WAC: variants seen among roughly 807,000 people sequenced by gnomAD.
The protein encoded by WAC is WW domain-containing adapter protein with coiled-coil.
WAC carries 11 observed loss-of-function variants against 79.6 expected under a neutral mutation model. The observed-to-expected ratio is 0.14, with a 90% CI of 0.09 to 0.23. The LOEUF (loss-of-function observed/expected upper bound fraction) is 0.23, where lower values mean the gene tolerates loss of function less well. Ranked by LOEUF, WAC falls within the 10% of genes least tolerant of loss-of-function variation. WAC has a pLI of 1.00. For missense variants in WAC, 728 were observed against 773.5 expected, an observed-to-expected ratio of 0.94 and a Z score of 0.70; for synonymous variants, 304 against 276.9, an observed-to-expected ratio of 1.10 and a Z score of -0.97.
intron 3 of WAC, among the ~76,000 whole-genome samples, chr10:28,548,394 A>G (rs938320825): frequency 6.6e-6 from 1 of 151,804 alleles, no homozygotes; most frequent in South Asian, 2.1e-4. Flanking sequence ...GTTCTATTCT[A>G]CTTCTCTTTT....
At chr10:28,564,928 G>A (rs1354493902) in intron 3 of WAC, among the ~76,000 whole-genome samples, 1 of 152,060 alleles carries the variant, frequency 6.6e-6, no homozygotes, top group Non-Finnish European at 1.5e-5. Context: ...GGTGACTACC[G>A]CCACGGTCAA....
At chr10:28,556,352 T>C (rs1444972410) in intron 3 of WAC, among the ~76,000 whole-genome samples, 3 of 149,132 alleles carry the variant, frequency 2.0e-5, no homozygotes, top group Non-Finnish European at 3.0e-5. Flanking sequence ...ATTTGTATGT[T>C]TTAAAAATGG....
chr10:28,549,488 G>A (rs1055729233), intron 3 of WAC, among the ~76,000 whole-genome samples: 1 of 152,138 alleles, frequency 6.6e-6, no homozygotes, highest in Non-Finnish European at 1.5e-5. Context: ...ATTAATGCCT[G>A]GGAAGTTGTC....
Position 28,535,548 on chromosome 10 carries a change from G to GTTTTT in WAC, c.79-13_79-12insTTTTT. ...ATTCTTTCTCTCTTTTTTTGGGGGG[G>GTTTTT]TGATGTTTTACAGGCACTTAAGTAT... On this transcript the variant is annotated splice_polypyrimidine_tract_variant and intron_variant, in intron 2 of 13. Transcript: ENST00000354911. 6.5e-7 allele frequency: 1 copy of GTTTTT among 1,533,690 alleles called. No homozygotes were observed. The highest frequency in any genetic ancestry group is 8.8e-7 in the Non-Finnish European group (1 of 1,135,742).
At chr10:28,580,414 A>G (rs1214729817) in intron 3 of WAC, among the ~76,000 whole-genome samples, 1 of 152,220 alleles carries the variant, frequency 6.6e-6, no homozygotes, top group African/African-American at 2.4e-5. Flanking sequence ...CATTTGTAAT[A>G]TACCTTATGT....
At chr10:28,616,391 T>G in intron 12 of WAC, 29 bp downstream of exon 12, 1 of 1,468,552 alleles carries the variant, frequency 6.8e-7, no homozygotes. Context: ...AGATTTTACC[T>G]TTGGATGATT....
Position 28,541,093 on chromosome 10 carries a change from C to T in WAC, c.274+5336C>T, listed in dbSNP as rs567085104. ...TATTTTGGAATGAGTTCACTTAGAT[C>T]CTTAGATCCTTAAGACAGTCTTAAT... On this transcript the variant is annotated intron_variant, in intron 3 of 13. Transcript: ENST00000354911. Among the ~76,000 whole-genome samples the T allele has an allele frequency of 3.3e-5, 5 of 152,030 alleles. No homozygotes were observed. In the South Asian group the frequency reaches 1.0e-3, roughly 32 times the overall value.
intron 2 of WAC, 44 bp downstream of exon 2, chr10:28,534,078 G>A (rs1836470333): frequency 6.5e-7 from 1 of 1,538,598 alleles, no homozygotes; most frequent in Non-Finnish European, 8.7e-7. Context: ...GGGGCCGGAG[G>A]GGGAAGGGAG....
intron 6 of WAC, 61 bp downstream of exon 6, chr10:28,590,893 A>G (rs1840048394): frequency 1.6e-6 from 2 of 1,231,516 alleles, no homozygotes; most frequent in East Asian, 5.0e-5. Context: ...TATTTTTCAA[A>G]TCTGTATCCA....
At chr10:28,539,510 A>G (rs753417007) in intron 3 of WAC, among the ~76,000 whole-genome samples, 10 of 152,044 alleles carry the variant, frequency 6.6e-5, no homozygotes, top group East Asian at 3.9e-4. Context: ...AAAACATACA[A>G]TCTTGTTTAA....
intron 3 of WAC, among the ~76,000 whole-genome samples, chr10:28,555,741 TAGATA>T (rs1837944840): frequency 6.6e-6 from 1 of 152,192 alleles, no homozygotes; most frequent in South Asian, 2.1e-4. Context: ...TAATTAAGAT[TAGATA>T]AGTCACCAGT....
At chr10:28,618,070 A>G (rs1448173840) in intron 13 of WAC, 1 of 210,090 alleles carries the variant, frequency 4.8e-6, no homozygotes, top group East Asian at 1.5e-4. Flanking sequence ...CTAATTATAA[A>G]TGTCCTCTCT....
Position 28,619,679 on chromosome 10 carries a change from C to T in WAC, c.*73C>T, listed in dbSNP as rs1337655706. 16 of 1,338,070 alleles carry T rather than the reference C, an allele frequency of 1.2e-5. No homozygotes were observed. The highest frequency in any genetic ancestry group is 1.5e-5 in the Non-Finnish European group (15 of 987,546). The allele number at this position is 1,338,070 out of a possible 1,614,324, so 82.9% of individuals were successfully genotyped here. A position where few individuals can be genotyped will look rare whatever the true frequency, so the allele number is the denominator to read the frequency against. On this transcript the variant is annotated 3_prime_UTR_variant, in exon 14 of 14. Coordinates refer to ENST00000354911, the MANE Select transcript of WAC (RefSeq NM_016628.5). ...GTTGCCCAATCTTAACATTTTTGAGCTGCATTTAAGTAGACTTTGGACCGT... is the reference window on the plus strand; with the variant it reads ...GTTGCCCAATCTTAACATTTTTGAGTTGCATTTAAGTAGACTTTGGACCGT...
chr10:28,617,350 T>C (rs1841517018), intron 12 of WAC, among the ~76,000 whole-genome samples: 2 of 152,242 alleles, frequency 1.3e-5, no homozygotes, highest in Admixed American at 1.3e-4. Context: ...ACAATCTCTT[T>C]GGCTGACCCA....
intron 6 of WAC, among the ~76,000 whole-genome samples, chr10:28,593,909 A>G (rs572171079): frequency 8.5e-5 from 13 of 152,244 alleles, no homozygotes; most frequent in Admixed American, 2.0e-4. Context: ...GGGTTTCTCA[A>G]CAGAAGCACT....
At chr10:28,535,956 C>G (rs1836642324) in intron 3 of WAC, 199 bp downstream of exon 3, 1 of 490,714 alleles carries the variant, frequency 2.0e-6, no homozygotes, top group Non-Finnish European at 3.4e-6. Flanking sequence ...AAAGTGGACT[C>G]TTAAGGCCAG....
At chr10:28,570,946 C>CTTTTTTTTTTT (rs139500035) in intron 3 of WAC, among the ~76,000 whole-genome samples, 1 of 64,506 alleles carries the variant, frequency 1.6e-5, no homozygotes, top group Non-Finnish European at 2.7e-5. Context: ...TAAAGATATA[C>CTTTTTTTTTTT]TTTTTTTTTT....
At chr10:28,548,067 C>T (rs912715665) in intron 3 of WAC, among the ~76,000 whole-genome samples, 3 of 151,656 alleles carry the variant, frequency 2.0e-5, no homozygotes, top group Non-Finnish European at 4.4e-5. Context: ...ATTACAGGTG[C>T]GTGCCACCAT....
chr10:28,550,100 T>C (rs910742003), intron 3 of WAC, among the ~76,000 whole-genome samples: 2 of 149,684 alleles, frequency 1.3e-5, no homozygotes, highest in African/African-American at 5.0e-5. Flanking sequence ...ACTTGGGAGA[T>C]GGAGGTCGCG....
Sources: allele counts gnomAD v4.1 joint callset (sites outside exome capture counted in the v4.1 genomes callset), GRCh38; gene constraint gnomAD v4.1.1; transcripts MANE v1.5; gene names NCBI Gene and HGNC (gene_info 2026-07-23, HGNC 2026-07-21).